Variants in LRRC56 observed in about 807,000 individuals in gnomAD.
LRRC56 encodes the protein leucine-rich repeat-containing protein 56.
A neutral mutation model predicts 47.8 loss-of-function variants in LRRC56; 41 were observed. The ratio of observed to expected loss-of-function variants is 0.86; its 90% CI spans 0.67 to 1.11. The LOEUF is 1.11. LRRC56 is among the 50% of genes most tolerant of loss of function. LRRC56 has a pLI of 0.00. For missense variants in LRRC56, 759 were observed against 704.2 expected, an observed-to-expected ratio of 1.08 and a Z score of -0.88; for synonymous variants, 387 against 311.2, an observed-to-expected ratio of 1.24 and a Z score of -2.56.
At chr11:536,382 C>T (rs988390077), upstream of LRRC56, among the ~76,000 whole-genome samples, 6 of 152,364 alleles carry the variant, frequency 3.9e-5, no homozygotes, top group African/African-American at 1.4e-4. Context: ...TCACCCCAAG[C>T]ACATAGACGC....
chr11:541,492 T>C lies in LRRC56; in HGVS notation c.178-45T>C, dbSNP rs1015239605. ...GCCAGAAGCAAGGATGGAACTAAAG[T>C]GGGGAGAGCCAGGACCAGCGCTGAC... On this transcript the variant is annotated intron_variant, in intron 4 of 13. Coordinates refer to ENST00000270115, the MANE Select transcript of LRRC56 (RefSeq NM_198075.4). This position sits in a 1 kb window ranked among gnomAD's most constrained non-coding sequence, Gnocchi z 4.1. 8 of 1,157,300 alleles carry C rather than the reference T, an allele frequency of 6.9e-6. No individual in the cohort carries two copies. The South Asian group carries it at 1.1e-4, about 16-fold the overall frequency. 71.7% of individuals were successfully genotyped at this position (1,157,300 alleles called of 1,614,324 possible). A position where few individuals can be genotyped will look rare whatever the true frequency, so the allele number is the denominator to read the frequency against.
chr11:517,958 C>G, the LRRC56 span, among the ~76,000 whole-genome samples: 1 of 152,154 alleles, frequency 6.6e-6, no homozygotes, highest in Non-Finnish European at 1.5e-5. Flanking sequence ...TAAACAGATG[C>G]TTGGAGGCAG....
At chr11:534,184 G>A (rs753984677), upstream of LRRC56, 2 of 1,556,408 alleles carry the variant, frequency 1.3e-6, no homozygotes, top group East Asian at 2.2e-5. Context: ...AGCAGCTGCT[G>A]GCACCTGGAC....
chr11:533,655 G>A (rs769121910), upstream of LRRC56: 14 of 1,612,898 alleles, frequency 8.7e-6, no homozygotes, highest in African/African-American at 2.7e-5. Context: ...GGCTGCAGGC[G>A]CAGCGGCATC....
the LRRC56 span, among the ~76,000 whole-genome samples, chr11:517,274 T>C: frequency 2.0e-5 from 3 of 151,512 alleles, no homozygotes; most frequent in African/African-American, 7.3e-5. Flanking sequence ...CGCCACCCCG[T>C]CTGGGAGGTG....
intron 1 of LRRC56, among the ~76,000 whole-genome samples, chr11:538,170 C>T (rs1379286110): frequency 6.6e-6 from 1 of 152,168 alleles, no homozygotes; most frequent in African/African-American, 2.4e-5. Context: ...ATCCCACAGC[C>T]TCCAACCCCT....
At chr11:546,926 G>A (rs984317879) in intron 6 of LRRC56, among the ~76,000 whole-genome samples, 2 of 151,982 alleles carry the variant, frequency 1.3e-5, no homozygotes, top group African/African-American at 4.8e-5. Context: ...CAGGCATGGT[G>A]TGCGCTTGTA....
chr11:552,058 G>A (rs752108792), intron 11 of LRRC56, 32 bp from the exon 12 acceptor site: 53 of 1,604,738 alleles, frequency 3.3e-5, no homozygotes, highest in Non-Finnish European at 4.4e-5. Flanking sequence ...TCCAGGGCCA[G>A]AATCCCTAAA....
In LRRC56 at chr11:550,276, C is replaced by T. The variant is rs773202899; in HGVS notation, c.624+4C>T. ...GGCCCCTGGCCCCACCAACAAGGTG[C>T]GTGTCCCGGGCACCCGGCCAGCATG... On this transcript the variant is annotated splice_donor_region_variant and intron_variant, in intron 8 of 13. Coordinates refer to ENST00000270115, the MANE Select transcript of LRRC56 (RefSeq NM_198075.4). 3.5e-5 allele frequency: 54 copies of T among 1,563,588 alleles called. No homozygotes were observed. Among genetic ancestry groups the T allele is most frequent in the Middle Eastern group, 1.8e-4 (1 of 5,664 alleles).
At chr11:530,414 AG>A in the LRRC56 span, among the ~76,000 whole-genome samples, 2,586 of 151,792 alleles carry the variant, frequency 0.017, 81 homozygotes, top group African/African-American at 0.059. Flanking sequence ...GCTGGGGAGA[AG>A]GGGGAGTGTG....
Position 540,874 on chromosome 11 carries a change from G to C in LRRC56, c.177+13G>C, listed in dbSNP as rs772203177. 3.3e-6 allele frequency: 5 copies of C among 1,530,698 alleles called. No homozygotes were observed. In the South Asian group the frequency reaches 4.8e-5, roughly 15 times the overall value. 94.8% of individuals were successfully genotyped at this position (1,530,698 alleles called of 1,614,324 possible). A position where few individuals can be genotyped will look rare whatever the true frequency, so the allele number is the denominator to read the frequency against. Reference sequence around the variant, plus strand: ...CCCTGCCCGGCTGGTGAGTGTGGGCGCTGGGGGCTGTGGCCACAGAGGCCT... The same window carrying C: ...CCCTGCCCGGCTGGTGAGTGTGGGCCCTGGGGGCTGTGGCCACAGAGGCCT... On this transcript the variant is annotated intron_variant, in intron 4 of 13. Coordinates refer to ENST00000270115, the MANE Select transcript of LRRC56 (RefSeq NM_198075.4).
At chr11:535,364 C>A, upstream of LRRC56, 1 of 146,604 alleles carries the variant, frequency 6.8e-6, no homozygotes, top group South Asian at 1.8e-4. Flanking sequence ...GTATTGCTGC[C>A]GCCTGGGGGC....
intron 6 of LRRC56, among the ~76,000 whole-genome samples, chr11:547,851 G>A (rs746726811): frequency 6.6e-6 from 1 of 152,096 alleles, no homozygotes; most frequent in Non-Finnish European, 1.5e-5. Flanking sequence ...ATTCAGGCCA[G>A]GTGCGGTGGC....
the LRRC56 span, among the ~76,000 whole-genome samples, chr11:512,297 A>G: frequency 6.8e-4 from 103 of 151,268 alleles, no homozygotes; most frequent in Non-Finnish European, 2.7e-4. Flanking sequence ...GTGCAGTGGC[A>G]TGATCTCAGC....
chr11:509,912 A>G, the LRRC56 span, among the ~76,000 whole-genome samples: 1 of 151,330 alleles, frequency 6.6e-6, no homozygotes, highest in African/African-American at 2.4e-5. Flanking sequence ...CAGTTCACCC[A>G]CTGTGGAATT....
chr11:551,062 G>T (rs1852355837), intron 8 of LRRC56, 69 bp from the exon 9 acceptor site: 1 of 950,558 alleles, frequency 1.1e-6, no homozygotes, highest in African/African-American at 1.7e-5. Context: ...GGGAGCCAGG[G>T]AAAGAGCTGG....
At chr11:550,346 C>T in intron 8 of LRRC56, 74 bp downstream of exon 8, 1 of 1,389,670 alleles carries the variant, frequency 7.2e-7, no homozygotes, top group Non-Finnish European at 9.5e-7. Context: ...CCCGGGGCCC[C>T]TCCTCTGGCC....
chr11:554,605 T>C lies in LRRC56; in HGVS notation c.*329T>C. ...CTGTGAGAGGCCTCTCCTGCTAGAA[T>C]TGGGCATGGCCGAGGGGCAGGGGCT... On this transcript the variant is annotated 3_prime_UTR_variant, in exon 14 of 14. Coordinates refer to ENST00000270115, the MANE Select transcript of LRRC56 (RefSeq NM_198075.4). The C allele has an allele frequency of 2.5e-6, 1 of 400,476 alleles. No individual in the cohort carries two copies. The highest frequency in any genetic ancestry group is 4.1e-5 in the East Asian group (1 of 24,498). 24.8% of individuals were successfully genotyped at this position (400,476 alleles called of 1,614,324 possible).
At chr11:512,012 C>T in the LRRC56 span, among the ~76,000 whole-genome samples, 1 of 151,966 alleles carries the variant, frequency 6.6e-6, no homozygotes, top group Non-Finnish European at 1.5e-5. Flanking sequence ...GGCGTGATCT[C>T]GGCTCACTGC....
Sources: allele counts gnomAD v4.1 joint callset (sites outside exome capture counted in the v4.1 genomes callset), GRCh38; gene constraint gnomAD v4.1.1; non-coding constraint Gnocchi (gnomAD v3.1); transcripts MANE v1.5; gene names NCBI Gene and HGNC (gene_info 2026-07-23, HGNC 2026-07-21).